CNTN5: variants seen among roughly 807,000 people sequenced by gnomAD.
CNTN5 encodes the protein contactin-5.
A neutral mutation model predicts 129.1 loss-of-function variants in CNTN5; 77 were observed. That is an observed-to-expected ratio of 0.60 (90% CI 0.50 to 0.72). The LOEUF (loss-of-function observed/expected upper bound fraction) is 0.72. Among genes scored for constraint, CNTN5 ranks in the 30% least tolerant of loss-of-function variants. CNTN5 has a pLI of 0.00. For missense variants in CNTN5, 1,478 were observed against 1,328.8 expected, an observed-to-expected ratio of 1.11 and a Z score of -1.75; for synonymous variants, 509 against 465.6, an observed-to-expected ratio of 1.09 and a Z score of -1.20.
intron 1 of CNTN5, among the ~76,000 whole-genome samples, chr11:99,269,584 A>G (rs1863077529): frequency 6.6e-6 from 1 of 151,960 alleles, no homozygotes; most frequent in African/African-American, 2.4e-5. Context: ...GTCCTTACTC[A>G]GAGTCAATGT....
chr11:99,680,359 G>A (rs1181407310), intron 3 of CNTN5, among the ~76,000 whole-genome samples: 1 of 152,110 alleles, frequency 6.6e-6, no homozygotes, highest in African/African-American at 2.4e-5. Flanking sequence ...TGCACCTGAT[G>A]ATTGTAAATT....
chr11:99,799,783 C>T (rs1301838), intron 3 of CNTN5, among the ~76,000 whole-genome samples: 39,813 of 151,882 alleles, frequency 0.26, 5,481 homozygotes, highest in Non-Finnish European at 0.32. Flanking sequence ...GGAGAAGCCC[C>T]TCCTCTTGAA....
At chr11:100,355,960 A>G (rs79350202) in intron 24 of CNTN5, among the ~76,000 whole-genome samples, 157 bp from the exon 25 acceptor site, 3 of 151,726 alleles carry the variant, frequency 2.0e-5, no homozygotes, top group Admixed American at 2.0e-4. Context: ...TAACTTTGGG[A>G]ACCTCAGATA....
chr11:100,076,036 A>G (rs1290655678), intron 13 of CNTN5, among the ~76,000 whole-genome samples: 1 of 152,122 alleles, frequency 6.6e-6, no homozygotes, highest in Non-Finnish European at 1.5e-5. Flanking sequence ...TTGTGAGATC[A>G]TTGTTGCCTA....
intron 15 of CNTN5, among the ~76,000 whole-genome samples, chr11:100,209,678 A>G (rs547609282): frequency 6.6e-6 from 1 of 152,330 alleles, no homozygotes; most frequent in Non-Finnish European, 1.5e-5. Flanking sequence ...AAATGTTTCT[A>G]CCACATGTTA....
At chr11:99,938,787 ATC>A (rs1312431870) in intron 7 of CNTN5, among the ~76,000 whole-genome samples, 1 of 152,152 alleles carries the variant, frequency 6.6e-6, no homozygotes, top group Admixed American at 6.5e-5. Flanking sequence ...AGAAAAATAT[ATC>A]TCTACTTCTC....
At position 100,042,567 on chromosome 11, in the gene CNTN5, A is replaced by C. The variant is rs185379578; in HGVS notation, c.981-18645A>C. On this transcript the variant is annotated intron_variant, in intron 9 of 24. Coordinates refer to ENST00000524871, the MANE Select transcript of CNTN5 (RefSeq NM_014361.4). ...TGAAATCATTAAATCTTCACAGCTAAGTATTCCTTCTGCCTTGACAGATTC... is the reference window on the plus strand; with the variant it reads ...TGAAATCATTAAATCTTCACAGCTACGTATTCCTTCTGCCTTGACAGATTC... Among the ~76,000 whole-genome samples, 81 of 152,274 alleles carry C rather than the reference A, an allele frequency of 5.3e-4. No individual in the cohort carries two copies. In the Middle Eastern group the frequency reaches 0.014, roughly 26 times the overall value.
intron 1 of CNTN5, among the ~76,000 whole-genome samples, chr11:99,271,761 T>G (rs1039505038): frequency 2.6e-5 from 4 of 151,810 alleles, no homozygotes; most frequent in African/African-American, 7.2e-5. Context: ...ATAAAAGCCC[T>G]TAGTCGCTTG....
intron 18 of CNTN5, among the ~76,000 whole-genome samples, chr11:100,272,385 A>T (rs1231860142): frequency 6.6e-6 from 1 of 152,212 alleles, no homozygotes. Flanking sequence ...CTGAACCAAA[A>T]ATATGACTTT....
At chr11:99,706,792 G>T (rs1340382602) in intron 3 of CNTN5, among the ~76,000 whole-genome samples, 3 of 150,132 alleles carry the variant, frequency 2.0e-5, no homozygotes, top group South Asian at 4.2e-4. Context: ...CCAAAAGACA[G>T]AGGTGTTCTT....
At chr11:99,953,768 G>A (rs1950731005) in intron 7 of CNTN5, among the ~76,000 whole-genome samples, 1 of 152,140 alleles carries the variant, frequency 6.6e-6, no homozygotes, top group East Asian at 1.9e-4. Flanking sequence ...ATTCCCCAAT[G>A]AGAAACCAAA....
intron 3 of CNTN5, among the ~76,000 whole-genome samples, chr11:99,787,843 A>C (rs1388740413): frequency 6.6e-6 from 1 of 151,888 alleles, no homozygotes; most frequent in African/African-American, 2.4e-5. Flanking sequence ...ATTCCTGAAA[A>C]ATTTCTCCTT....
At chr11:100,134,559 G>C (rs1213318541) in intron 13 of CNTN5, among the ~76,000 whole-genome samples, 1 of 152,004 alleles carries the variant, frequency 6.6e-6, no homozygotes, top group Non-Finnish European at 1.5e-5. Flanking sequence ...TCAATCAATT[G>C]GGTTCATTGG....
intron 3 of CNTN5, among the ~76,000 whole-genome samples, chr11:99,810,963 A>C (rs933814362): frequency 6.6e-6 from 1 of 152,116 alleles, no homozygotes; most frequent in African/African-American, 2.4e-5. Flanking sequence ...TATTCTCAAG[A>C]ATATTATGCT....
At chr11:99,287,871 A>T (rs537398719) in intron 1 of CNTN5, among the ~76,000 whole-genome samples, 36 of 152,130 alleles carry the variant, frequency 2.4e-4, no homozygotes, top group South Asian at 4.1e-4. Flanking sequence ...GGAGGAATAA[A>T]GGAGAAGAGG....
chr11:99,844,911 G>A lies in CNTN5; in HGVS notation c.337G>A (p.Asp113Asn). The A allele has an allele frequency of 6.2e-7, 1 of 1,613,808 alleles. No homozygotes were observed. Residue 113 changes from aspartate (D) to asparagine (N), a missense_variant, in exon 5 of 25, where the codon GAT becomes AAT. By Grantham distance (23) the Asp-to-Asn change is conservative. Coordinates refer to ENST00000524871, the MANE Select transcript of CNTN5 (RefSeq NM_014361.4). ...QEPDDIIFPT[D>N]SDEKKVALNC... ...ACCAGATGATATTATTTTTCCAACT[G>A]ATTCTGATGAAAAGAAGGTAGCATT...
chr11:100,315,459 C>A (rs1005460592), intron 21 of CNTN5, among the ~76,000 whole-genome samples: 3 of 152,138 alleles, frequency 2.0e-5, no homozygotes, highest in African/African-American at 7.2e-5. Context: ...AAGACAAGGT[C>A]AGAATGATGA....
At chr11:99,393,044 G>C (rs557146826) in intron 2 of CNTN5, among the ~76,000 whole-genome samples, 1 of 151,774 alleles carries the variant, frequency 6.6e-6, no homozygotes, top group South Asian at 2.1e-4. Context: ...TAATTTAAGT[G>C]GTTTAAAAAC....
intron 17 of CNTN5, among the ~76,000 whole-genome samples, chr11:100,260,153 A>T (rs904917491): frequency 1.3e-5 from 2 of 152,212 alleles, no homozygotes; most frequent in Non-Finnish European, 2.9e-5. Flanking sequence ...ACCACCAGAG[A>T]ATACTGTAAA....
Sources: allele counts gnomAD v4.1 joint callset (sites outside exome capture counted in the v4.1 genomes callset), GRCh38; gene constraint gnomAD v4.1.1; transcripts MANE v1.5; gene names NCBI Gene and HGNC (gene_info 2026-07-23, HGNC 2026-07-21).